DR1: variants seen among roughly 807,000 people sequenced by gnomAD.
The protein encoded by DR1 is protein Dr1.
In DR1, 7 loss-of-function variants were observed where a neutral mutation model predicts 19.9. That is an observed-to-expected ratio of 0.35 (90% CI 0.20 to 0.66). The LOEUF (loss-of-function observed/expected upper bound fraction) is 0.66. Ranked by LOEUF, DR1 falls within the 30% of genes least tolerant of loss-of-function variation. The pLI is 0.66. For missense variants in DR1, 98 were observed against 203.7 expected, an observed-to-expected ratio of 0.48 and a Z score of 3.16; for synonymous variants, 76 against 72.5, an observed-to-expected ratio of 1.05 and a Z score of -0.24.
At chr1:93,353,679 G>A (rs1666944520) in intron 1 of DR1, among the ~76,000 whole-genome samples, 1 of 152,128 alleles carries the variant, frequency 6.6e-6, no homozygotes, top group Admixed American at 6.5e-5. Flanking sequence ...CATGTGCCTT[G>A]GTTCTTCAAG....
chr1:93,352,906 T>C (rs11807911), intron 1 of DR1, among the ~76,000 whole-genome samples: 2 of 151,456 alleles, frequency 1.3e-5, no homozygotes, highest in African/African-American at 4.9e-5. Flanking sequence ...TTTTTTTTTT[T>C]TTTTTTGAAA....
At chr1:93,356,870 C>T (rs1427538140) in intron 2 of DR1, among the ~76,000 whole-genome samples, 1 of 151,908 alleles carries the variant, frequency 6.6e-6, no homozygotes, top group Non-Finnish European at 1.5e-5. Context: ...TACAGGCATG[C>T]ACCACCATGC....
rs1332931286 is a variant in DR1, at chr1:93,362,736, T to C, written c.*2097T>C. The C allele has an allele frequency of 6.6e-6, 1 of 151,470 alleles. No homozygotes were observed. Among genetic ancestry groups the C allele is most frequent in the African/African-American group, 2.4e-5 (1 of 41,360 alleles). The allele number at this position is 151,470 out of a possible 1,614,324, so 9.4% of individuals were successfully genotyped here. A position where few individuals can be genotyped will look rare whatever the true frequency, so the allele number is the denominator to read the frequency against. On this transcript the variant is annotated 3_prime_UTR_variant, in exon 3 of 3. Coordinates refer to ENST00000370272, the MANE Select transcript of DR1 (RefSeq NM_001938.3). ...TTTTGTTTACTGTTATTTCAAAAAATGTGGTTTTACTTGTATTTTTATAAT... is the reference window on the plus strand; with the variant it reads ...TTTTGTTTACTGTTATTTCAAAAAACGTGGTTTTACTTGTATTTTTATAAT...
At position 93,360,475 on chromosome 1, in the gene DR1, T is replaced by A. The variant is rs1403821447; in HGVS notation, c.385-18T>A. Reference sequence around the variant, plus strand: ...TTTGTAAAAAATTGTTATTTTTTTTTATGTTTTGGGTGTTTAGGCTAGACA... The same window carrying A: ...TTTGTAAAAAATTGTTATTTTTTTTAATGTTTTGGGTGTTTAGGCTAGACA... On this transcript the variant is annotated intron_variant, in intron 2 of 2. Coordinates refer to ENST00000370272, the MANE Select transcript of DR1 (RefSeq NM_001938.3). The A allele has an allele frequency of 6.5e-7, 1 of 1,542,694 alleles. No individual in the cohort carries two copies. Among genetic ancestry groups the A allele is most frequent in the Non-Finnish European group, 8.7e-7 (1 of 1,150,210 alleles).
rs1667041615 is a variant in DR1 at position 93,360,741 on chromosome 1, G to A, written c.*102G>A. The A allele has an allele frequency of 3.8e-6, 5 of 1,314,872 alleles. No homozygotes were observed. In the South Asian group the frequency reaches 4.4e-5, roughly 11 times the overall value. The allele number at this position is 1,314,872 out of a possible 1,614,324, so 81.5% of individuals were successfully genotyped here. A position where few individuals can be genotyped will look rare whatever the true frequency, so the allele number is the denominator to read the frequency against. ...CTGTAATTTTGTATGCATCTTGGTGGACTTGTCATTGGTATTCTAGGGATG... is the reference window on the plus strand; with the variant it reads ...CTGTAATTTTGTATGCATCTTGGTGAACTTGTCATTGGTATTCTAGGGATG... On this transcript the variant is annotated 3_prime_UTR_variant, in exon 3 of 3. Coordinates refer to ENST00000370272, the MANE Select transcript of DR1 (RefSeq NM_001938.3).
chr1:93,357,896 T>TAA (rs200079470), intron 2 of DR1, among the ~76,000 whole-genome samples: 1 of 151,068 alleles, frequency 6.6e-6, no homozygotes, highest in Non-Finnish European at 1.5e-5. Context: ...ACTATAGATA[T>TAA]AAAAAAAAAT....
chr1:93,368,520 A>G lies in DR1; in HGVS notation c.*7881A>G, dbSNP rs1363294714. ...TGTTAAGGCATCTAAGGATGCTCCA[A>G]TTACTGGGGAAAACATACCAGGCTC... On this transcript the variant is annotated 3_prime_UTR_variant, in exon 3 of 3. Transcript: ENST00000370272. The G allele has an allele frequency of 6.6e-6, 1 of 152,188 alleles. No individual in the cohort carries two copies. The highest frequency in any genetic ancestry group is 2.4e-5 in the African/African-American group (1 of 41,448). The allele number at this position is 152,188 out of a possible 1,614,324, so 9.4% of individuals were successfully genotyped here.
chr1:93,356,447 A>G (rs907390367), intron 2 of DR1, among the ~76,000 whole-genome samples: 23 of 152,176 alleles, frequency 1.5e-4, no homozygotes, highest in African/African-American at 5.6e-4. Flanking sequence ...TTTTATGTTC[A>G]GAGAAAAGTA....
At chr1:93,358,870 G>A (rs1667023297) in intron 2 of DR1, among the ~76,000 whole-genome samples, 1 of 152,150 alleles carries the variant, frequency 6.6e-6, no homozygotes, top group Non-Finnish European at 1.5e-5. Flanking sequence ...CTGATGCCAG[G>A]AGGAGAAAAT....
At chr1:93,351,268 A>T (rs993114620) in intron 1 of DR1, among the ~76,000 whole-genome samples, 1 of 152,046 alleles carries the variant, frequency 6.6e-6, no homozygotes, top group African/African-American at 2.4e-5. Context: ...TGTTGAGAGT[A>T]TAGTTTTTAC....
chr1:93,362,826 C>CTTTTTTTTTTTTTTTTTTTTTTTT lies in DR1; in HGVS notation c.*2192_*2215dup, dbSNP rs55792701. ...GCAATATTTTATTTTTAGGTTTTTT[C>CTTTTTTTTTTTTTTTTTTTTTTTT]TTTTTTTTTTTTTTTTTTTTTTTTT... On this transcript the variant is annotated 3_prime_UTR_variant, in exon 3 of 3. Transcript: ENST00000370272. The CTTTTTTTTTTTTTTTTTTTTTTTT allele has an allele frequency of 1.9e-5, 1 of 52,868 alleles. No homozygotes were observed. The highest frequency in any genetic ancestry group is 7.9e-5 in the African/African-American group (1 of 12,650). 3.3% of individuals were successfully genotyped at this position (52,868 alleles called of 1,614,324 possible). A position where few individuals can be genotyped will look rare whatever the true frequency, so the allele number is the denominator to read the frequency against.
chr1:93,347,248 C>T (rs996569740), intron 1 of DR1, among the ~76,000 whole-genome samples: 11 of 152,160 alleles, frequency 7.2e-5, no homozygotes, highest in Admixed American at 5.9e-4. Flanking sequence ...GGAACTTCAA[C>T]GTGGGTGGAG....
In DR1 at chr1:93,365,774, C is replaced by G. The variant is rs1667120880; in HGVS notation, c.*5135C>G. The G allele has an allele frequency of 6.6e-6, 1 of 152,274 alleles. No homozygotes were observed. Among genetic ancestry groups the G allele is most frequent in the South Asian group, 2.1e-4 (1 of 4,826 alleles). 9.4% of individuals were successfully genotyped at this position (152,274 alleles called of 1,614,324 possible). On this transcript the variant is annotated 3_prime_UTR_variant, in exon 3 of 3. Coordinates refer to ENST00000370272, the MANE Select transcript of DR1 (RefSeq NM_001938.3). ...CTCTTGACTTCACATCTGCTGATCC[C>G]TTTACCCGATAGGACCTAGAGCAGC...
chr1:93,348,141 C>G (rs887540585), intron 1 of DR1, among the ~76,000 whole-genome samples: 1 of 151,524 alleles, frequency 6.6e-6, no homozygotes, highest in African/African-American at 2.4e-5. Flanking sequence ...ATATATCCTG[C>G]CATTTCAGTA....
chr1:93,358,884 A>G (rs1667023405), intron 2 of DR1, among the ~76,000 whole-genome samples: 1 of 152,180 alleles, frequency 6.6e-6, no homozygotes, highest in South Asian at 2.1e-4. Flanking sequence ...AGAAAATAGT[A>G]TTTCAGTTTG....
intron 1 of DR1, among the ~76,000 whole-genome samples, chr1:93,353,599 C>CT (rs1397302646): frequency 2.0e-5 from 3 of 152,090 alleles, no homozygotes; most frequent in Admixed American, 2.0e-4. Context: ...TTATAATGGG[C>CT]TTTTTTTTCT....
chr1:93,352,859 T>C (rs1013488006), intron 1 of DR1, among the ~76,000 whole-genome samples: 5 of 152,008 alleles, frequency 3.3e-5, no homozygotes, highest in African/African-American at 1.2e-4. Context: ...CCTTGTCTTT[T>C]CTGGATTACA....
rs1250766935 is a variant in DR1, at chr1:93,360,499, C to T, written c.391C>T (p.Gln131Ter). 6.3e-7 allele frequency: 1 copy of T among 1,574,844 alleles called. No homozygotes were observed. Among genetic ancestry groups the T allele is most frequent in the Non-Finnish European group, 8.6e-7 (1 of 1,167,082 alleles). The change falls in exon 3 of 3, where the codon CAG becomes TAG. Residue 131 changes from glutamine (Q) to a stop codon, truncating the protein, a stop_gained. Transcript: ENST00000370272. LOFTEE classifies it high-confidence loss of function. ...TTATGTTTTGGGTGTTTAGGCTAGA[C>T]AGCAACAAGCAGAATTGGCCCAACA... ...QQQELFAKAR[Q>*]QQAELAQQEW...
In DR1 at chr1:93,368,152, T is replaced by G. The variant is rs571529699; in HGVS notation, c.*7513T>G. On this transcript the variant is annotated 3_prime_UTR_variant, in exon 3 of 3. Coordinates refer to ENST00000370272, the MANE Select transcript of DR1 (RefSeq NM_001938.3). ...TTTCCTCTGTGAGGGTAAGTATTGA[T>G]AGTCCAGTCATAGACTGGTAACACA... The G allele has an allele frequency of 2.0e-5, 3 of 152,334 alleles. No homozygotes were observed. Among genetic ancestry groups the G allele is most frequent in the African/African-American group, 7.2e-5 (3 of 41,570 alleles). The allele number at this position is 152,334 out of a possible 1,614,324, so 9.4% of individuals were successfully genotyped here. A position where few individuals can be genotyped will look rare whatever the true frequency, so the allele number is the denominator to read the frequency against.
Sources: gnomAD v4.1 joint callset for allele counts (sites outside exome capture counted in the v4.1 genomes callset) on GRCh38, gnomAD v4.1.1 for gene constraint, MANE v1.5 for transcripts, NCBI Gene and HGNC (gene_info 2026-07-23, HGNC 2026-07-21) for gene names.